Variants in GRM7 observed in about 807,000 individuals in gnomAD.
GRM7 encodes metabotropic glutamate receptor 7.
GRM7 carries 35 observed loss-of-function variants against 84.5 expected under a neutral mutation model. The ratio of observed to expected loss-of-function variants is 0.41; its 90% confidence interval spans 0.32 to 0.55. The LOEUF (loss-of-function observed/expected upper bound fraction) is 0.55, where lower values mean the gene tolerates loss of function less well. Ranked by LOEUF, GRM7 falls within the 20% of genes least tolerant of loss-of-function variation. The pLI is 0.19. For missense variants in GRM7, 1,003 were observed against 1,194.6 expected (o/e 0.84, Z 2.36); for synonymous variants, 487 against 455.1 (o/e 1.07, Z -0.89).
intron 1 of GRM7, among the ~76,000 whole-genome samples, chr3:6,887,380 C>T (rs1013242323): frequency 1.3e-4 from 20 of 152,104 alleles, no homozygotes; most frequent in African/African-American, 4.6e-4. Context: ...TCCCTCCCCC[C>T]TTCCCCCACC....
At chr3:7,320,769 G>T (rs1453339683) in intron 4 of GRM7, among the ~76,000 whole-genome samples, 1 of 149,248 alleles carries the variant, frequency 6.7e-6, no homozygotes, top group Admixed American at 6.7e-5. Context: ...CCTTACTGTT[G>T]CATATAATAG....
At chr3:7,546,791 G>A (rs1455001239) in intron 7 of GRM7, among the ~76,000 whole-genome samples, 2 of 151,944 alleles carry the variant, frequency 1.3e-5, no homozygotes, top group Non-Finnish European at 2.9e-5. Context: ...ATTTGTTTTG[G>A]TTCCTGCTTT....
intron 8 of GRM7, among the ~76,000 whole-genome samples, chr3:7,606,070 G>T (rs555484277): frequency 6.6e-6 from 1 of 152,340 alleles, no homozygotes; most frequent in Admixed American, 6.5e-5. Context: ...CACGTTATGT[G>T]CAGTGAAGAC....
At chr3:7,719,125 G>A (rs554668551) in intron 9 of GRM7, among the ~76,000 whole-genome samples, 5 of 152,250 alleles carry the variant, frequency 3.3e-5, no homozygotes, top group South Asian at 2.1e-4. Flanking sequence ...CCCAGGGAAC[G>A]CTATTTGGAA....
intron 5 of GRM7, among the ~76,000 whole-genome samples, chr3:7,441,575 A>G (rs959999375): frequency 4.6e-5 from 7 of 152,012 alleles, no homozygotes; most frequent in Non-Finnish European, 8.8e-5. Flanking sequence ...ATCTAGAATG[A>G]TATTTCCAAA....
At chr3:7,418,397 C>T (rs558284950) in intron 5 of GRM7, among the ~76,000 whole-genome samples, 1 of 152,292 alleles carries the variant, frequency 6.6e-6, no homozygotes, top group Non-Finnish European at 1.5e-5. Context: ...ACAGAAAACA[C>T]AACTTCCATT....
At chr3:7,679,159 G>A (rs1401816374) in intron 8 of GRM7, among the ~76,000 whole-genome samples, 2 of 152,134 alleles carry the variant, frequency 1.3e-5, no homozygotes, top group African/African-American at 2.4e-5. Context: ...GGCATGCTAA[G>A]AAGAAAAGGA....
intron 9 of GRM7, among the ~76,000 whole-genome samples, chr3:7,715,574 A>T (rs1296742595): frequency 6.6e-6 from 1 of 152,210 alleles, no homozygotes; most frequent in Non-Finnish European, 1.5e-5. Context: ...GTGTTTACTA[A>T]GTACTTTACT....
intron 9 of GRM7, among the ~76,000 whole-genome samples, chr3:7,731,809 G>A (rs1427415938): frequency 6.6e-6 from 1 of 152,072 alleles, no homozygotes; most frequent in Non-Finnish European, 1.5e-5. Context: ...GCTCCCCGTG[G>A]ATCGCCAGCG....
chr3:6,881,905 G>A (rs1425663599), intron 1 of GRM7, among the ~76,000 whole-genome samples: 2 of 143,562 alleles, frequency 1.4e-5, no homozygotes, highest in African/African-American at 2.7e-5. Context: ...TGATCGATTA[G>A]TCTAAGGCAA....
At chr3:7,382,614 A>G (rs918932812) in intron 4 of GRM7, among the ~76,000 whole-genome samples, 2 of 152,254 alleles carry the variant, frequency 1.3e-5, no homozygotes, top group Non-Finnish European at 2.9e-5. Context: ...AAGACACTTC[A>G]TAAAAGCTTG....
At chr3:6,996,956 A>G (rs1694847823) in intron 1 of GRM7, among the ~76,000 whole-genome samples, 1 of 152,208 alleles carries the variant, frequency 6.6e-6, no homozygotes, top group Non-Finnish European at 1.5e-5. Context: ...AAACATACGG[A>G]ATCCAGATGA....
intron 1 of GRM7, among the ~76,000 whole-genome samples, chr3:6,929,935 A>C (rs1697441455): frequency 6.6e-6 from 1 of 152,150 alleles, no homozygotes; most frequent in South Asian, 2.1e-4. Context: ...TACCTCATAC[A>C]AATTTTTACA....
intron 1 of GRM7, among the ~76,000 whole-genome samples, chr3:6,869,266 C>T (rs1559295591): frequency 6.6e-6 from 1 of 152,222 alleles, no homozygotes; most frequent in East Asian, 1.9e-4. Context: ...AAAGGTACCA[C>T]ACCTTTCACC....
intron 9 of GRM7, among the ~76,000 whole-genome samples, chr3:7,688,626 G>A (rs1700675871): frequency 6.6e-6 from 1 of 152,142 alleles, no homozygotes; most frequent in Admixed American, 6.6e-5. Context: ...TAGTAAACTT[G>A]GGAGGGCAAT....
At chr3:7,328,975 CTT>C (rs1432323465) in intron 4 of GRM7, among the ~76,000 whole-genome samples, 1 of 152,028 alleles carries the variant, frequency 6.6e-6, no homozygotes, top group African/African-American at 2.4e-5. Context: ...TTCAACATAA[CTT>C]TACGTTTTCT....
At chr3:7,149,818 C>A (rs1269967285) in intron 2 of GRM7, among the ~76,000 whole-genome samples, 1 of 152,124 alleles carries the variant, frequency 6.6e-6, no homozygotes, top group Non-Finnish European at 1.5e-5. Flanking sequence ...ATTTAATACC[C>A]AACAATATCT....
intron 1 of GRM7, among the ~76,000 whole-genome samples, chr3:6,889,335 T>G (rs1695837991): frequency 6.6e-6 from 1 of 152,146 alleles, no homozygotes; most frequent in Admixed American, 6.5e-5. Context: ...TGCTTCCAGT[T>G]TTCGTCCATT....
At chr3:7,131,070 T>C (rs987385883) in intron 1 of GRM7, among the ~76,000 whole-genome samples, 1 of 152,192 alleles carries the variant, frequency 6.6e-6, no homozygotes, top group African/African-American at 2.4e-5. Context: ...TTATTATTTA[T>C]TTTCCCTTTT....
Sources: gnomAD v4.1 joint callset for allele counts (sites outside exome capture counted in the v4.1 genomes callset) on GRCh38, gnomAD v4.1.1 for gene constraint, MANE v1.5 for transcripts, NCBI Gene and HGNC (gene_info 2026-07-23, HGNC 2026-07-21) for gene names.